The following TACC2 variants were observed in gnomAD, a reference collection of about 807,000 sequenced individuals.
The protein encoded by TACC2 is transforming acidic coiled-coil-containing protein 2.
TACC2 carries 137 observed loss-of-function variants against 227.3 expected under a neutral mutation model. The observed-to-expected ratio is 0.60, with a 90% CI of 0.52 to 0.69. TACC2 has a LOEUF of 0.69. TACC2 is among the 30% of genes least tolerant of loss of function. The pLI, the probability that TACC2 is intolerant of heterozygous loss-of-function variation, is 0.00. For synonymous variants in TACC2, 1,523 were observed against 1,487.5 expected (o/e 1.02, Z -0.55); for missense variants, 3,470 against 3,694.4 (o/e 0.94, Z 1.57).
chr10:122,206,364 G>A (rs2095107951), intron 8 of TACC2, among the ~76,000 whole-genome samples: 1 of 152,204 alleles, frequency 6.6e-6, no homozygotes, highest in Admixed American at 6.5e-5. Flanking sequence ...GTATGCTGAA[G>A]CCCCAACCCC....
At chr10:122,092,571 C>T (rs1301178692) in intron 5 of TACC2, among the ~76,000 whole-genome samples, 2 of 152,174 alleles carry the variant, frequency 1.3e-5, no homozygotes, top group African/African-American at 4.8e-5. Context: ...GATAACCCAT[C>T]TCATACACAT....
intron 8 of TACC2, among the ~76,000 whole-genome samples, chr10:122,206,128 G>A (rs1420141509): frequency 1.1e-4 from 17 of 152,170 alleles, no homozygotes; most frequent in Admixed American, 1.0e-3. Context: ...GCGCCAGTGC[G>A]GGGGCTGGCA....
chr10:122,174,196 A>G (rs1191098936), intron 7 of TACC2, among the ~76,000 whole-genome samples: 1 of 152,254 alleles, frequency 6.6e-6, no homozygotes, highest in Non-Finnish European at 1.5e-5. Context: ...TGGACCAACA[A>G]GACAGGTGGC....
At position 122,084,440 on chromosome 10, in the gene TACC2, C is replaced by T; in HGVS notation, c.1940C>T (p.Pro647Leu). The T allele has an allele frequency of 6.2e-7, 1 of 1,612,838 alleles. No individual in the cohort carries two copies. Among genetic ancestry groups the T allele is most frequent in the Non-Finnish European group, 8.5e-7 (1 of 1,180,012 alleles). ...RKGGAGHTDGPHSQTAEADAS... is the reference protein window; with the variant it reads ...RKGGAGHTDGLHSQTAEADAS... ...GGGGGTGCTGGGCACACGGACGGGC[C>T]CCACTCTCAGACAGCAGAGGCTGAT... Residue 647 changes from proline (P) to leucine (L), a missense_variant, in exon 4 of 23, where the codon CCC (proline) becomes CTC (leucine). By Grantham distance (98) the Pro-to-Leu change is moderately conservative (BLOSUM62 -3). Around this residue, in one of 10 missense-constraint regions of TACC2, gnomAD observed 1,924 missense variants for 1,978.3 expected, o/e 0.97. Transcript: ENST00000369005.
intron 3 of TACC2, among the ~76,000 whole-genome samples, chr10:122,081,164 AT>A (rs201482396): frequency 0.043 from 6,486 of 151,524 alleles, 179 homozygotes; most frequent in African/African-American, 0.073. Flanking sequence ...ATTTTTTCTG[AT>A]TTTTTTTTCC....
At chr10:122,153,305 C>T (rs2092235842) in intron 7 of TACC2, among the ~76,000 whole-genome samples, 1 of 152,216 alleles carries the variant, frequency 6.6e-6, no homozygotes, top group Admixed American at 6.5e-5. Context: ...TGTATTTCAT[C>T]TCACTTAATG....
At chr10:122,047,518 C>T (rs2075160794) in intron 2 of TACC2, among the ~76,000 whole-genome samples, 1 of 152,112 alleles carries the variant, frequency 6.6e-6, no homozygotes, top group Admixed American at 6.6e-5. Flanking sequence ...AGGTCAGCAG[C>T]CCCCTCTCGT....
At chr10:122,027,868 C>T (rs111670576) in intron 2 of TACC2, among the ~76,000 whole-genome samples, 7,381 of 150,662 alleles carry the variant, frequency 0.049, 205 homozygotes, top group Middle Eastern at 0.073. Context: ...CTCAGCCTCC[C>T]GAGTAGCTGG....
At chr10:122,223,021 T>G (rs1450564710) in intron 11 of TACC2, among the ~76,000 whole-genome samples, 1 of 150,418 alleles carries the variant, frequency 6.6e-6, no homozygotes, top group Non-Finnish European at 1.5e-5. Context: ...TGTCCATCCC[T>G]GTCTCCTTCC....
chr10:122,232,847 T>A (rs965007316), intron 16 of TACC2, among the ~76,000 whole-genome samples: 2 of 152,210 alleles, frequency 1.3e-5, no homozygotes, highest in Non-Finnish European at 2.9e-5. Flanking sequence ...CCAATTTGCC[T>A]TTTTTTCTGG....
Position 122,211,469 on chromosome 10 carries a change from C to T in TACC2, c.7044C>T (p.Asn2348=). 1 of 1,614,092 alleles carries T rather than the reference C, an allele frequency of 6.2e-7. No individual in the cohort carries two copies. The highest frequency in any genetic ancestry group is 8.5e-7 in the Non-Finnish European group (1 of 1,180,032). The part of the protein sequence containing the change: ...DIDKWDDPNF[N]PFSSTSKMQE... ...ACAAGTGGGATGACCCCAATTTTAA[C>T]CCTTTTTCTTCCACCTCAAAAATGC... Residue 2348 remains asparagine, a synonymous_variant, in exon 9 of 23, where the codon AAC becomes AAT. Transcript: ENST00000369005.
rs907302508 is a variant in TACC2, at chr10:122,094,040, A to G, written c.5573+5449A>G. Among the ~76,000 whole-genome samples, 13 of 152,116 alleles carry G rather than the reference A, an allele frequency of 8.5e-5. No individual in the cohort carries two copies. In the East Asian group the frequency reaches 2.5e-3, roughly 29 times the overall value. On this transcript the variant is annotated intron_variant, in intron 5 of 22. Transcript: ENST00000369005. ...CTCCACGAACCCTGCTTGGCCCACA[A>G]GGAGCTCCTTATGTGAAATGAGATC...
chr10:122,163,558 G>C (rs1316389428), intron 7 of TACC2: 4 of 993,774 alleles, frequency 4.0e-6, no homozygotes, highest in Non-Finnish European at 4.8e-6. Flanking sequence ...CGGCGATGAT[G>C]ACATCATCGT....
rs146684265 is a variant in TACC2 at position 122,190,910 on chromosome 10, A to G, written c.5835-4130A>G. Among the ~76,000 whole-genome samples, 1,183 of 152,330 alleles carry G rather than the reference A, an allele frequency of 7.8e-3. 19 individuals are homozygous for G. The highest frequency in any genetic ancestry group is 0.027 in the African/African-American group (1,110 of 41,562). On this transcript the variant is annotated intron_variant, in intron 7 of 22. Coordinates refer to ENST00000369005, the MANE Select transcript of TACC2 (RefSeq NM_206862.4). ...ATTACATTACATATCGTAAAATGCT[A>G]TTACAAGCATATTGTAAATTGAGCT... is the stretch of plus-strand genomic sequence containing the variant.
intron 1 of TACC2, among the ~76,000 whole-genome samples, chr10:122,006,406 G>A (rs940302755): frequency 3.9e-5 from 6 of 151,910 alleles, no homozygotes; most frequent in South Asian, 2.1e-4. Flanking sequence ...CCGAGATTGC[G>A]CCACTGCACT....
chr10:122,049,808 G>A (rs941153921), intron 2 of TACC2, among the ~76,000 whole-genome samples: 5 of 151,184 alleles, frequency 3.3e-5, no homozygotes, highest in South Asian at 2.1e-4. Flanking sequence ...TTGCATCCTG[G>A]TTTTAAAAAT....
At chr10:122,221,546 C>T (rs932908857) in intron 11 of TACC2, among the ~76,000 whole-genome samples, 6 of 151,940 alleles carry the variant, frequency 3.9e-5, no homozygotes, top group African/African-American at 1.2e-4. Context: ...TAACGGCAGG[C>T]GCCGTCTCTG....
At position 122,084,484 on chromosome 10, in the gene TACC2, A is replaced by G; in HGVS notation, c.1984A>G (p.Lys662Glu). The change falls in exon 4 of 23, where the codon AAG becomes GAG. Residue 662 changes from lysine (K) to glutamate (E), a missense_variant. Lys to Glu is a moderately conservative substitution (Grantham distance 56). Transcript: ENST00000369005. The part of the protein sequence containing the change: ...AEADASGLPH[K>E]LGEEDPVLPP... ...GGCTGATGCATCTGGCCTACCACACAAGCTGGGTGAGGAGGACCCCGTCCT... is the reference window on the plus strand; with the variant it reads ...GGCTGATGCATCTGGCCTACCACACGAGCTGGGTGAGGAGGACCCCGTCCT... 1 of 1,613,234 alleles carries G rather than the reference A, an allele frequency of 6.2e-7. No homozygotes were observed. Among genetic ancestry groups the G allele is most frequent in the Non-Finnish European group, 8.5e-7 (1 of 1,179,982 alleles).
intron 7 of TACC2, among the ~76,000 whole-genome samples, chr10:122,193,166 C>G (rs2094465561): frequency 1.3e-5 from 2 of 152,180 alleles, no homozygotes; most frequent in African/African-American, 4.8e-5. Context: ...CATTGGATCC[C>G]ATCAAAAGCA....
Sources: allele counts gnomAD v4.1 joint callset (sites outside exome capture counted in the v4.1 genomes callset), GRCh38; gene constraint gnomAD v4.1.1; regional missense constraint gnomAD v4.1.1; transcripts MANE v1.5; gene names NCBI Gene and HGNC (gene_info 2026-07-23, HGNC 2026-07-21).